Variants in PHF3 observed in about 807,000 individuals in gnomAD.
PHF3 encodes PHD finger protein 3.
PHF3 carries 41 observed loss-of-function variants against 178.4 expected under a neutral mutation model. The observed-to-expected ratio is 0.23, with a 90% confidence interval of 0.18 to 0.30. The LOEUF is 0.30. PHF3 is among the 10% of genes least tolerant of loss of function. The pLI is 1.00. For synonymous variants in PHF3, 842 were observed against 800.5 expected (o/e 1.05, Z -0.88); for missense variants, 2,346 against 2,398.1 (o/e 0.98, Z 0.45).
At chr6:63,701,617 A>C (rs1398271262) in intron 9 of PHF3, among the ~76,000 whole-genome samples, 3 of 151,850 alleles carry the variant, frequency 2.0e-5, no homozygotes, top group Non-Finnish European at 4.4e-5. Flanking sequence ...CAGGCACTAA[A>C]CCTCCATATA....
rs147454970 is a variant in PHF3, at chr6:63,702,743, A to G, written c.3231+104A>G. The G allele has an allele frequency of 5.1e-4, 580 of 1,148,220 alleles. 3 individuals are homozygous for G. In the African/African-American group the frequency reaches 7.7e-3, roughly 15 times the overall value. The allele number at this position is 1,148,220 out of a possible 1,614,324, so 71.1% of individuals were successfully genotyped here. ...TAGAGAAAAGAATTTTAAAATATGC[A>G]TCCATTTAAAAGTAGCCTATTTTAT... On this transcript the variant is annotated intron_variant, in intron 10 of 15. Coordinates refer to ENST00000262043, the MANE Select transcript of PHF3 (RefSeq NM_001370348.2).
At chr6:63,701,519 C>T (rs571176404) in intron 9 of PHF3, among the ~76,000 whole-genome samples, 6 of 152,118 alleles carry the variant, frequency 3.9e-5, no homozygotes, top group African/African-American at 1.4e-4. Context: ...AGAATGTTAG[C>T]CCCTTATTCT....
chr6:63,698,188 G>A, intron 6 of PHF3, 35 bp from the exon 7 acceptor site: 2 of 1,518,016 alleles, frequency 1.3e-6, no homozygotes, highest in South Asian at 1.2e-5. Context: ...ATTTTTAAAA[G>A]CAATGTAATG....
chr6:63,708,604 G>A (rs1767793783), intron 13 of PHF3, among the ~76,000 whole-genome samples: 1 of 152,108 alleles, frequency 6.6e-6, no homozygotes, highest in East Asian at 1.9e-4. Context: ...ACTGAATAAA[G>A]TTTTAAATAT....
intron 2 of PHF3, among the ~76,000 whole-genome samples, chr6:63,662,015 C>T (rs1037116374): frequency 3.3e-5 from 5 of 152,130 alleles, no homozygotes; most frequent in African/African-American, 1.2e-4. Flanking sequence ...AGTTCCACCT[C>T]CTGTCAGATC....
chr6:63,675,762 T>A (rs951745294), intron 2 of PHF3, among the ~76,000 whole-genome samples: 19 of 152,228 alleles, frequency 1.2e-4, no homozygotes, highest in Non-Finnish European at 2.9e-5. Flanking sequence ...CAAGTTATTT[T>A]CCAGCACATA....
Position 63,717,402 on chromosome 6 carries a change from C to T in PHF3, c.*3694C>T, listed in dbSNP as rs1049133875. Among the ~76,000 whole-genome samples, 10 of 152,066 alleles carry T rather than the reference C, an allele frequency of 6.6e-5. No individual in the cohort carries two copies. The highest frequency in any genetic ancestry group is 2.4e-4 in the African/African-American group (10 of 41,442). On this transcript the variant is annotated 3_prime_UTR_variant, in exon 16 of 16. Coordinates refer to ENST00000262043, the MANE Select transcript of PHF3 (RefSeq NM_001370348.2). ...TGGTCAGGCTACAACTTACTAATGACTACAAAGAACTATATACACAATCAG... is the reference window on the plus strand; with the variant it reads ...TGGTCAGGCTACAACTTACTAATGATTACAAAGAACTATATACACAATCAG...
At chr6:63,651,450 C>T (rs1055842091) in intron 2 of PHF3, among the ~76,000 whole-genome samples, 1 of 152,152 alleles carries the variant, frequency 6.6e-6, no homozygotes, top group Admixed American at 6.5e-5. Flanking sequence ...CAACCTCCAC[C>T]TCCCGGGTTC....
rs1349879153 is a variant in PHF3 at position 63,721,795 on chromosome 6, C to A, written c.*8087C>A. ...TTTACTAAAGAGATGCATAAAAAATCACCTGCAAGAAAGCAAACAGTAAGT... is the reference window on the plus strand; with the variant it reads ...TTTACTAAAGAGATGCATAAAAAATAACCTGCAAGAAAGCAAACAGTAAGT... On this transcript the variant is annotated 3_prime_UTR_variant, in exon 16 of 16. Coordinates refer to ENST00000262043, the MANE Select transcript of PHF3 (RefSeq NM_001370348.2). 9.7e-6 allele frequency: 15 copies of A among 1,538,980 alleles called. 1 individual carries two copies. In the South Asian group the frequency reaches 1.6e-4, roughly 16 times the overall value.
chr6:63,669,416 T>C (rs962928124), intron 2 of PHF3, among the ~76,000 whole-genome samples: 9 of 152,194 alleles, frequency 5.9e-5, no homozygotes, highest in African/African-American at 1.9e-4. Context: ...GGAAAAAAAT[T>C]GCTTTTGAAT....
chr6:63,711,492 A>G, intron 15 of PHF3, 94 bp from the exon 16 acceptor site: 2 of 1,355,696 alleles, frequency 1.5e-6, no homozygotes, highest in Non-Finnish European at 2.0e-6. Context: ...GCCAGGCACC[A>G]TTTAATATCC....
chr6:63,678,687 C>T (rs1766292350), intron 2 of PHF3: 9 of 261,948 alleles, frequency 3.4e-5, no homozygotes, highest in Middle Eastern at 1.4e-3. Flanking sequence ...CTTCATAATC[C>T]ATTCTTTCCT....
In PHF3 at chr6:63,716,607, G is replaced by C. The variant is rs992555196; in HGVS notation, c.*2899G>C. On this transcript the variant is annotated 3_prime_UTR_variant, in exon 16 of 16. Coordinates refer to ENST00000262043, the MANE Select transcript of PHF3 (RefSeq NM_001370348.2). The stretch of plus-strand genomic sequence containing the variant: ...GTTCTGTGGATCAGAAGTCTGTGCA[G>C]ATCTCACTGGGTAAGATCAAGGTGT... 1.3e-5 allele frequency among the ~76,000 whole-genome samples: 2 copies of C among 152,100 alleles called. No individual in the cohort carries two copies. The highest frequency in any genetic ancestry group is 2.9e-5 in the Non-Finnish European group (2 of 68,000).
rs764590245 is a variant in PHF3, at chr6:63,712,472, T to C, written c.4884T>C (p.Asn1628=). 7 of 1,613,880 alleles carry C rather than the reference T, an allele frequency of 4.3e-6. No individual in the cohort carries two copies. The South Asian group carries it at 4.4e-5, about 10-fold the overall frequency. ...TAGGAAAAGGAAACATAGATGGTAA[T>C]GTGAGCTGTAGTGAAAACCTTGTTG... ...SNVGKGNIDG[N]VSCSENLVAN... The change falls in exon 16 of 16, where the codon AAT becomes AAC. Residue 1628 remains asparagine (N), a synonymous_variant. Transcript: ENST00000262043.
chr6:63,706,599 G>A (rs1031822645), intron 12 of PHF3, 130 bp from the exon 13 acceptor site: 6 of 705,480 alleles, frequency 8.5e-6, no homozygotes, highest in South Asian at 2.0e-5. Context: ...TAAAATGAAA[G>A]TGTGAACTCT....
rs1249867710 is a variant in PHF3 at position 63,702,493 on chromosome 6, A to T, written c.3100-15A>T. The T allele has an allele frequency of 1.3e-6, 2 of 1,532,574 alleles. No homozygotes were observed. The highest frequency in any genetic ancestry group is 2.6e-5 in the South Asian group (2 of 77,692). 94.9% of individuals were successfully genotyped at this position (1,532,574 alleles called of 1,614,324 possible). A position where few individuals can be genotyped will look rare whatever the true frequency, so the allele number is the denominator to read the frequency against. ...ATTTTAAATTTAATATTTTTAAAAA[A>T]GTATTTTCTGTTAGACCATAGAAAT... On this transcript the variant is annotated splice_polypyrimidine_tract_variant and intron_variant, in intron 9 of 15. Transcript: ENST00000262043.
chr6:63,698,407 C>CT, intron 7 of PHF3, 40 bp downstream of exon 7: 1 of 1,581,780 alleles, frequency 6.3e-7, no homozygotes, highest in Non-Finnish European at 8.6e-7. Flanking sequence ...AATAATTATG[C>CT]TTTATACATT....
chr6:63,655,451 G>A (rs1195545270), intron 2 of PHF3, among the ~76,000 whole-genome samples: 1 of 152,012 alleles, frequency 6.6e-6, no homozygotes, highest in Non-Finnish European at 1.5e-5. Context: ...GAGCTCAAGC[G>A]AGCTGCCCAC....
intron 2 of PHF3, among the ~76,000 whole-genome samples, chr6:63,659,348 A>T (rs1765370614): frequency 1.3e-5 from 2 of 152,222 alleles, no homozygotes; most frequent in African/African-American, 2.4e-5. Flanking sequence ...CTGCTATTTT[A>T]TATATGTTGT....
Sources: allele counts gnomAD v4.1 joint callset (sites outside exome capture counted in the v4.1 genomes callset), GRCh38; gene constraint gnomAD v4.1.1; transcripts MANE v1.5; gene names NCBI Gene and HGNC (gene_info 2026-07-23, HGNC 2026-07-21).